DCC: variants seen among roughly 807,000 people sequenced by gnomAD.
The protein encoded by DCC is DCC netrin 1 receptor, also known as netrin receptor DCC.
In DCC, 58 loss-of-function variants were observed where a neutral mutation model predicts 172.5. That is an observed-to-expected ratio of 0.34 (90% CI 0.27 to 0.42). The LOEUF is 0.42. Ranked by LOEUF, DCC falls within the 10% of genes least tolerant of loss-of-function variation. DCC has a pLI of 1.00. For missense variants in DCC, 1,740 were observed against 1,791.0 expected (o/e 0.97, Z 0.51); for synonymous variants, 709 against 644.5 (o/e 1.10, Z -1.52).
chr18:52,796,547 C>T (rs2037881196), intron 2 of DCC, among the ~76,000 whole-genome samples: 1 of 152,074 alleles, frequency 6.6e-6, no homozygotes, highest in Admixed American at 6.5e-5. Context: ...CTGGGAAAGA[C>T]TTTATTTTTC....
At chr18:52,962,570 A>G (rs1286245846) in intron 5 of DCC, among the ~76,000 whole-genome samples, 1 of 152,122 alleles carries the variant, frequency 6.6e-6, no homozygotes, top group African/African-American at 2.4e-5. Flanking sequence ...ATCTAGAACT[A>G]GAAATACCAT....
At chr18:53,339,340 A>G (rs1484390448) in intron 14 of DCC, among the ~76,000 whole-genome samples, 3 of 152,198 alleles carry the variant, frequency 2.0e-5, no homozygotes, top group Non-Finnish European at 2.9e-5. Context: ...TGGATAAGAC[A>G]ACATTGACAT....
At chr18:53,077,938 C>G (rs965888743) in intron 7 of DCC, among the ~76,000 whole-genome samples, 1 of 152,060 alleles carries the variant, frequency 6.6e-6, no homozygotes, top group Non-Finnish European at 1.5e-5. Context: ...ATGATAGGGC[C>G]CATTGCTAAG....
At chr18:53,010,989 G>A (rs2041721971) in intron 5 of DCC, among the ~76,000 whole-genome samples, 1 of 151,100 alleles carries the variant, frequency 6.6e-6, no homozygotes, top group African/African-American at 2.4e-5. Flanking sequence ...TTTCAAAATT[G>A]ATATTAAATA....
intron 1 of DCC, among the ~76,000 whole-genome samples, chr18:52,436,951 C>T (rs956043540): frequency 6.6e-6 from 1 of 152,036 alleles, no homozygotes. Flanking sequence ...ATCAGAACAA[C>T]CTTCTGAGAT....
chr18:52,967,307 C>T (rs1476409062), intron 5 of DCC, among the ~76,000 whole-genome samples: 1 of 152,104 alleles, frequency 6.6e-6, no homozygotes, highest in Non-Finnish European at 1.5e-5. Context: ...AGACCTTCTC[C>T]CAAGGTAGAG....
chr18:52,628,036 G>A (rs4940196), intron 1 of DCC, among the ~76,000 whole-genome samples: 35,957 of 151,994 alleles, frequency 0.24, 5,018 homozygotes, highest in East Asian at 0.55. Flanking sequence ...TATTTGATGT[G>A]CTTTTATGAC....
chr18:53,119,099 C>T (rs1361732118), intron 7 of DCC, among the ~76,000 whole-genome samples: 4 of 151,736 alleles, frequency 2.6e-5, no homozygotes, highest in African/African-American at 7.3e-5. Flanking sequence ...TACTGTGGTA[C>T]ATTTATGCTG....
intron 5 of DCC, among the ~76,000 whole-genome samples, chr18:53,053,386 T>C (rs2042360664): frequency 6.6e-6 from 1 of 152,172 alleles, no homozygotes; most frequent in South Asian, 2.1e-4. Context: ...ATTGCTATGC[T>C]TTCTTTTCAT....
At chr18:53,230,402 T>A (rs1307190022) in intron 12 of DCC, among the ~76,000 whole-genome samples, 2 of 152,118 alleles carry the variant, frequency 1.3e-5, no homozygotes, top group East Asian at 1.9e-4. Flanking sequence ...AATTTTTTAA[T>A]GTTTGTTAGA....
intron 3 of DCC, among the ~76,000 whole-genome samples, chr18:52,923,292 TA>T (rs1228257808): frequency 6.6e-6 from 1 of 152,178 alleles, no homozygotes; most frequent in Non-Finnish European, 1.5e-5. Flanking sequence ...TTGTTTCTCT[TA>T]TTTTCCAAGC....
intron 2 of DCC, among the ~76,000 whole-genome samples, chr18:52,763,416 G>T (rs1460558750): frequency 1.3e-5 from 2 of 152,182 alleles, no homozygotes; most frequent in Admixed American, 6.5e-5. Context: ...GAAGGCACAG[G>T]TTCCAGGAGC....
intron 1 of DCC, among the ~76,000 whole-genome samples, chr18:52,381,142 G>T (rs1166824474): frequency 6.6e-6 from 1 of 151,974 alleles, no homozygotes; most frequent in East Asian, 1.9e-4. Flanking sequence ...AAATTAAAGG[G>T]CCTCATTAAG....
Position 52,909,084 on chromosome 18 carries a change from CATGA to C in DCC, c.697+2780_697+2783del, listed in dbSNP as rs369407649. Among the ~76,000 whole-genome samples, 895 of 152,020 alleles carry C rather than the reference CATGA, an allele frequency of 5.9e-3. 4 individuals are homozygous for C. Among genetic ancestry groups the C allele is most frequent in the African/African-American group, 0.012 (494 of 41,462 alleles). On this transcript the variant is annotated intron_variant, in intron 3 of 28. Transcript: ENST00000442544. ...CAATAAGTACAAGATTGAGTGAGTG[CATGA>C]ATGAATGAATGAATGAATGAATGGC...
At chr18:53,466,875 A>T (rs939633352) in intron 24 of DCC, among the ~76,000 whole-genome samples, 1 of 152,162 alleles carries the variant, frequency 6.6e-6, no homozygotes, top group Non-Finnish European at 1.5e-5. Context: ...TTTTTGTAGG[A>T]TGTGTGGACA....
At chr18:52,883,346 ATT>A (rs1491186390) in intron 2 of DCC, among the ~76,000 whole-genome samples, 10 of 38,550 alleles carry the variant, frequency 2.6e-4, no homozygotes, top group African/African-American at 7.3e-4. Flanking sequence ...TTATTTATTT[ATT>A]TATGTGTGTG....
intron 19 of DCC, among the ~76,000 whole-genome samples, 195 bp downstream of exon 19, chr18:53,403,088 AC>A (rs1302361672): frequency 3.5e-5 from 4 of 114,690 alleles, no homozygotes; most frequent in Non-Finnish European, 7.7e-5. Context: ...ACACACACAC[AC>A]ACACACACAC....
intron 12 of DCC, among the ~76,000 whole-genome samples, chr18:53,220,041 A>C (rs1568372942): frequency 2.0e-5 from 3 of 152,202 alleles, no homozygotes; most frequent in South Asian, 4.1e-4. Context: ...TGCTTCTCTT[A>C]TTAGCCAAGT....
chr18:52,643,341 A>T (rs933511303), intron 1 of DCC, among the ~76,000 whole-genome samples: 1 of 152,180 alleles, frequency 6.6e-6, no homozygotes, highest in South Asian at 2.1e-4. Flanking sequence ...TTCATGGTTA[A>T]GTCAGAAAAT....
Sources: gnomAD v4.1 joint callset for allele counts (sites outside exome capture counted in the v4.1 genomes callset) on GRCh38, gnomAD v4.1.1 for gene constraint, MANE v1.5 for transcripts, NCBI Gene and HGNC (gene_info 2026-07-23, HGNC 2026-07-21) for gene names.